Variants in ANKRD62 observed in about 807,000 individuals in gnomAD.
The protein encoded by ANKRD62 is ankyrin repeat domain 62, also known as ankyrin repeat domain-containing protein 62.
Under a neutral mutation model 98.8 loss-of-function variants are expected in ANKRD62, and 61 were observed. The observed-to-expected ratio is 0.62, with a 90% CI of 0.50 to 0.76. The LOEUF (loss-of-function observed/expected upper bound fraction) is 0.76, where lower values mean the gene tolerates loss of function less well. Among genes scored for constraint, ANKRD62 ranks in the 30% least tolerant of loss-of-function variants. The pLI, the probability that ANKRD62 is intolerant of heterozygous loss-of-function variation, is 0.00. For synonymous variants in ANKRD62, 341 were observed against 367.9 expected (o/e 0.93, Z 0.84); for missense variants, 933 against 1,082.9 (o/e 0.86, Z 1.94).
At chr18:12,123,776 A>C (rs1224023322) in intron 11 of ANKRD62, among the ~76,000 whole-genome samples, 1 of 152,226 alleles carries the variant, frequency 6.6e-6, no homozygotes. Flanking sequence ...CAACTTGTTT[A>C]TAAAAAATAA....
At chr18:12,113,519 A>G (rs1351279184) in intron 8 of ANKRD62, among the ~76,000 whole-genome samples, 1 of 152,178 alleles carries the variant, frequency 6.6e-6, no homozygotes, top group Non-Finnish European at 1.5e-5. Context: ...CCTGCTACAC[A>G]GGAGGCTAAG....
intron 5 of ANKRD62, among the ~76,000 whole-genome samples, chr18:12,098,991 C>T (rs764151468): frequency 6.6e-6 from 1 of 152,202 alleles, no homozygotes; most frequent in Admixed American, 6.5e-5. Flanking sequence ...TTTAATGAGA[C>T]AATCTATTTA....
intron 5 of ANKRD62, 24 bp downstream of exon 5, chr18:12,097,801 A>G: frequency 6.5e-7 from 1 of 1,532,932 alleles, no homozygotes; most frequent in South Asian, 1.2e-5. Flanking sequence ...AGGCTAGTGA[A>G]CACTAAATTG....
chr18:12,121,743 C>T (rs201438155), intron 10 of ANKRD62, among the ~76,000 whole-genome samples: 4 of 152,166 alleles, frequency 2.6e-5, no homozygotes, highest in Non-Finnish European at 5.9e-5. Flanking sequence ...CTTTTAGTGA[C>T]GACCATCTTC....
chr18:12,107,427 AATC>A lies in ANKRD62; in HGVS notation c.1029_1031del (p.His343del). 1 of 1,513,462 alleles carries A rather than the reference AATC, an allele frequency of 6.6e-7. No individual in the cohort carries two copies. The highest frequency in any genetic ancestry group is 8.8e-7 in the Non-Finnish European group (1 of 1,136,030). The allele number at this position is 1,513,462 out of a possible 1,614,324, so 93.8% of individuals were successfully genotyped here. A position where few individuals can be genotyped will look rare whatever the true frequency, so the allele number is the denominator to read the frequency against. On this transcript the variant is annotated inframe_deletion, in exon 8 of 14. Coordinates refer to ENST00000587848, the MANE Select transcript of ANKRD62 (RefSeq NM_001277333.2). ...CAAAATAAAGAACAGAAAACCTGATAATCATCAATCTCCTGGGAAGGAGAATGG... is the reference window on the plus strand; with the variant it reads ...CAAAATAAAGAACAGAAAACCTGATAATCAATCTCCTGGGAAGGAGAATGG...
chr18:12,099,682 G>T lies in ANKRD62; in HGVS notation c.820G>T (p.Glu274Ter). ...RCKSLQNSNSEQDLEMTSEGE... is the reference protein window; with the variant it reads ...RCKSLQNSNS Reference sequence around the variant, plus strand: ...TAAAAGTCTTCAAAATAGCAATTCAGGTATGACTTCTGATAGTGAATTCCT... The same window carrying T: ...TAAAAGTCTTCAAAATAGCAATTCATGTATGACTTCTGATAGTGAATTCCT... Residue 274 changes from glutamate to a stop codon, truncating the protein, a stop_gained and splice_region_variant, in exon 6 of 14, where the codon GAA becomes TAA. Coordinates refer to ENST00000587848, the MANE Select transcript of ANKRD62 (RefSeq NM_001277333.2). LOFTEE classifies it high-confidence loss of function. 1 of 1,456,622 alleles carries T rather than the reference G, an allele frequency of 6.9e-7. No individual in the cohort carries two copies. Among genetic ancestry groups the T allele is most frequent in the South Asian group, 1.4e-5 (1 of 70,246 alleles). The allele number at this position is 1,456,622 out of a possible 1,614,324, so 90.2% of individuals were successfully genotyped here.
chr18:12,122,174 C>A, intron 10 of ANKRD62, 129 bp from the exon 11 acceptor site: 4 of 616,186 alleles, frequency 6.5e-6, no homozygotes, highest in Admixed American at 6.5e-5. Context: ...ATATTTTCCA[C>A]ATTGCAAGCA....
At chr18:12,177,323 G>C in the ANKRD62 span, among the ~76,000 whole-genome samples, 1 of 152,294 alleles carries the variant, frequency 6.6e-6, no homozygotes, top group African/African-American at 2.4e-5. Flanking sequence ...AGCAAGGAGA[G>C]GAGCCAGGGA....
chr18:12,135,505 G>A, the ANKRD62 span, among the ~76,000 whole-genome samples: 7 of 151,378 alleles, frequency 4.6e-5, 1 homozygote, highest in Non-Finnish European at 7.4e-5. Flanking sequence ...ATAAACATAC[G>A]TGTGCGTGTG....
chr18:12,096,691 A>G (rs1411664631), intron 4 of ANKRD62, among the ~76,000 whole-genome samples: 1 of 152,216 alleles, frequency 6.6e-6, no homozygotes, highest in East Asian at 1.9e-4. Flanking sequence ...TGCTTCTTAC[A>G]TGCTTTTCCT....
chr18:12,164,848 T>A, the ANKRD62 span, among the ~76,000 whole-genome samples: 1 of 151,998 alleles, frequency 6.6e-6, no homozygotes, highest in South Asian at 2.1e-4. Flanking sequence ...CAATTTTCTT[T>A]CTGGGACATA....
chr18:12,164,386 C>T, the ANKRD62 span, among the ~76,000 whole-genome samples: 1 of 151,632 alleles, frequency 6.6e-6, no homozygotes, highest in African/African-American at 2.4e-5. Flanking sequence ...GGTCTTCTCC[C>T]TTTTTTTCTT....
chr18:12,098,897 C>T (rs534322524), intron 5 of ANKRD62, among the ~76,000 whole-genome samples: 2 of 152,304 alleles, frequency 1.3e-5, no homozygotes, highest in Admixed American at 1.3e-4. Context: ...TAGTAGTAGT[C>T]CAAGCCAGGT....
the ANKRD62 span, among the ~76,000 whole-genome samples, chr18:12,150,238 A>G: frequency 4.5e-4 from 69 of 152,286 alleles, no homozygotes; most frequent in South Asian, 0.014. Context: ...GAAATGAGAC[A>G]GTCAGACAAA....
chr18:12,099,623 G>A lies in ANKRD62; in HGVS notation c.761G>A (p.Gly254Glu). 6.7e-7 allele frequency: 1 copy of A among 1,484,672 alleles called. No individual in the cohort carries two copies. The highest frequency in any genetic ancestry group is 1.4e-5 in the African/African-American group (1 of 71,148). The allele number at this position is 1,484,672 out of a possible 1,614,324, so 92.0% of individuals were successfully genotyped here. ...TGCATTTTGATACATAGCATTCGTGGAATGATTTCTGAATATAAAGCAAAC... is the reference window on the plus strand; with the variant it reads ...TGCATTTTGATACATAGCATTCGTGAAATGATTTCTGAATATAAAGCAAAC... ...AVASKFQAIR[G>E]MISEYKANKR... The change falls in exon 6 of 14, where the codon GGA becomes GAA. Residue 254 changes from glycine (G) to glutamate (E), a missense_variant. Transcript: ENST00000587848.
At chr18:12,115,575 A>G in intron 10 of ANKRD62, 41 bp downstream of exon 10, 3 of 1,497,100 alleles carry the variant, frequency 2.0e-6, no homozygotes, top group East Asian at 4.9e-5. Flanking sequence ...TCCCTATCCT[A>G]TAGTAATGTA....
chr18:12,119,541 C>A (rs1375280177), intron 10 of ANKRD62, among the ~76,000 whole-genome samples: 1 of 151,996 alleles, frequency 6.6e-6, no homozygotes, highest in Non-Finnish European at 1.5e-5. Flanking sequence ...CCTCACATGG[C>A]AGAAGGGGCG....
chr18:12,098,421 A>G (rs1909228733), intron 5 of ANKRD62: 1 of 152,272 alleles, frequency 6.6e-6, no homozygotes, highest in Non-Finnish European at 1.5e-5. Flanking sequence ...ATAAAAGTAG[A>G]GCTTTGTGCT....
rs116818902 is a variant in ANKRD62, at chr18:12,121,060, A to C, written c.1241-1243A>C. On this transcript the variant is annotated intron_variant, in intron 10 of 13. Coordinates refer to ENST00000587848, the MANE Select transcript of ANKRD62 (RefSeq NM_001277333.2). Reference sequence around the variant, plus strand: ...GGGGATTTATATATTAGTTGCTTGAAGGTTTCTCATAGTTCATCATGACAA... The same window carrying C: ...GGGGATTTATATATTAGTTGCTTGACGGTTTCTCATAGTTCATCATGACAA... Among the ~76,000 whole-genome samples, 1,462 of 152,214 alleles carry C rather than the reference A, an allele frequency of 9.6e-3. 19 individuals are homozygous for C. Among genetic ancestry groups the C allele is most frequent in the African/African-American group, 0.034 (1,406 of 41,532 alleles).
Sources: allele counts gnomAD v4.1 joint callset (sites outside exome capture counted in the v4.1 genomes callset), GRCh38; gene constraint gnomAD v4.1.1; transcripts MANE v1.5; gene names NCBI Gene and HGNC (gene_info 2026-07-23, HGNC 2026-07-21).